Variants in THSD7B observed in about 807,000 individuals in gnomAD.
THSD7B encodes thrombospondin type 1 domain containing 7B, also known as thrombospondin type-1 domain-containing protein 7B.
Under a neutral mutation model 213.6 loss-of-function variants are expected in THSD7B, and 138 were observed. The ratio of observed to expected loss-of-function variants is 0.65; its 90% CI spans 0.56 to 0.74. THSD7B has a LOEUF of 0.74. Among genes scored for constraint, THSD7B ranks in the 30% least tolerant of loss-of-function variants. THSD7B has a pLI of 0.00. For missense variants in THSD7B, 1,931 were observed against 1,991.5 expected (o/e 0.97, Z 0.58); for synonymous variants, 742 against 687.0 (o/e 1.08, Z -1.25).
intron 10 of THSD7B, among the ~76,000 whole-genome samples, chr2:137,259,405 G>A (rs112118352): frequency 0.027 from 4,114 of 152,260 alleles, 109 homozygotes; most frequent in Middle Eastern, 0.095. Flanking sequence ...ACATCTCATT[G>A]TGGTTTTGAT....
intron 17 of THSD7B, among the ~76,000 whole-genome samples, chr2:137,584,975 T>G (rs1681685621): frequency 6.6e-6 from 1 of 152,176 alleles, no homozygotes. Context: ...CTGGACTTTT[T>G]TTTTATTTGG....
intron 21 of THSD7B, among the ~76,000 whole-genome samples, chr2:137,654,759 G>A (rs989766635): frequency 2.6e-5 from 4 of 152,116 alleles, no homozygotes; most frequent in African/African-American, 9.7e-5. Context: ...TTGGTTTTCT[G>A]TGGGGGGCTG....
rs192413809 is a variant in THSD7B, at chr2:136,953,669, C to G, written c.139+71352C>G. On this transcript the variant is annotated intron_variant, in intron 2 of 27. Coordinates refer to ENST00000409968, the MANE Select transcript of THSD7B (RefSeq NM_001316349.2). ...CCACTCCACCATCTTCATGCATTAA[C>G]GGAATCTTATCTCCCTCATAAAATA... Among the ~76,000 whole-genome samples, 252 of 152,254 alleles carry G rather than the reference C, an allele frequency of 1.7e-3. 1 individual carries two copies. Among genetic ancestry groups the G allele is most frequent in the Admixed American group, 0.014 (221 of 15,290 alleles).
chr2:137,245,711 T>C (rs1682015663), intron 10 of THSD7B, among the ~76,000 whole-genome samples: 1 of 152,196 alleles, frequency 6.6e-6, no homozygotes, highest in Non-Finnish European at 1.5e-5. Context: ...ATGGGGCATA[T>C]AGTTGCTACT....
intron 12 of THSD7B, among the ~76,000 whole-genome samples, chr2:137,358,287 T>C (rs918045479): frequency 6.6e-6 from 1 of 152,210 alleles, no homozygotes; most frequent in African/African-American, 2.4e-5. Flanking sequence ...CTAATGAGAA[T>C]CTTATTTCCT....
chr2:137,528,613 C>A (rs899013437), intron 15 of THSD7B, among the ~76,000 whole-genome samples: 1 of 152,040 alleles, frequency 6.6e-6, no homozygotes, highest in African/African-American at 2.4e-5. Context: ...CTTGCCTGAT[C>A]TAGTGCCAAA....
rs1464743940 is a variant in THSD7B, at chr2:137,057,211, G to A, written c.931G>A (p.Gly311Arg). 3.1e-6 allele frequency: 5 copies of A among 1,611,942 alleles called. No individual in the cohort carries two copies. The highest frequency in any genetic ancestry group is 2.2e-5 in the East Asian group (1 of 44,846). Reference sequence around the variant, plus strand: ...GCAGGTTTCGTGTACAAGAAGTGATGGACAAAATGCTATGTTAAGGTAGGA... The same window carrying A: ...GCAGGTTTCGTGTACAAGAAGTGATAGACAAAATGCTATGTTAAGGTAGGA... ...TRQVSCTRSD[G>R]QNAMLSLCLQ... The change falls in exon 3 of 28, where the codon GGA becomes AGA. Residue 311 changes from glycine (G) to arginine (R), a missense_variant. Gly to Arg is a moderately radical substitution (Grantham distance 125). Transcript: ENST00000409968.
At chr2:137,206,281 G>A (rs1242651648) in intron 7 of THSD7B, among the ~76,000 whole-genome samples, 6 of 151,950 alleles carry the variant, frequency 3.9e-5, no homozygotes, top group Admixed American at 3.9e-4. Context: ...GAGGTGAAAT[G>A]ACTTGCCTAA....
intron 15 of THSD7B, among the ~76,000 whole-genome samples, chr2:137,488,045 G>C (rs1299994838): frequency 8.2e-5 from 1 of 12,240 alleles, no homozygotes; most frequent in African/African-American, 1.6e-4. Flanking sequence ...TTACAGGCGT[G>C]AGCCACCGCG....
chr2:137,419,609 G>GGC (rs1686879571), intron 14 of THSD7B, among the ~76,000 whole-genome samples: 1 of 151,594 alleles, frequency 6.6e-6, no homozygotes, highest in Admixed American at 6.6e-5. Flanking sequence ...CTAAAACAAA[G>GGC]GCACCACTCA....
At chr2:137,094,437 G>T (rs1207623034) in intron 3 of THSD7B, among the ~76,000 whole-genome samples, 1 of 152,134 alleles carries the variant, frequency 6.6e-6, no homozygotes, top group Admixed American at 6.5e-5. Flanking sequence ...TGGGCATGGT[G>T]GTGTGTTTCT....
chr2:137,229,588 GCTGA>G (rs1681592822), intron 7 of THSD7B, among the ~76,000 whole-genome samples: 1 of 152,140 alleles, frequency 6.6e-6, no homozygotes, highest in Admixed American at 6.5e-5. Context: ...AGGCAGTCTT[GCTGA>G]CTGTCAGCTT....
At chr2:137,461,851 C>G (rs189385115) in intron 15 of THSD7B, among the ~76,000 whole-genome samples, 1 of 152,096 alleles carries the variant, frequency 6.6e-6, no homozygotes, top group African/African-American at 2.4e-5. Flanking sequence ...TCCTCATCAG[C>G]CCTCATCCAG....
intron 17 of THSD7B, among the ~76,000 whole-genome samples, chr2:137,591,674 C>T (rs1385780983): frequency 6.6e-6 from 1 of 151,920 alleles, no homozygotes; most frequent in African/African-American, 2.4e-5. Flanking sequence ...TGTAGAACGA[C>T]AGCAGTCTAT....
intron 2 of THSD7B, among the ~76,000 whole-genome samples, chr2:136,987,490 T>C (rs1306182633): frequency 1.3e-5 from 2 of 152,058 alleles, no homozygotes; most frequent in African/African-American, 4.8e-5. Flanking sequence ...TGAGAAATAA[T>C]GGGCATGTTT....
chr2:137,113,118 T>C (rs1489663640), intron 4 of THSD7B, among the ~76,000 whole-genome samples: 2 of 152,176 alleles, frequency 1.3e-5, no homozygotes, highest in Non-Finnish European at 2.9e-5. Flanking sequence ...CAGAAAGTTC[T>C]TCTTTTGGGG....
chr2:136,998,474 G>C (rs1397501533), intron 2 of THSD7B, among the ~76,000 whole-genome samples: 2 of 152,106 alleles, frequency 1.3e-5, no homozygotes, highest in Admixed American at 6.5e-5. Flanking sequence ...TCATCTGTGG[G>C]AGGAAGGGGT....
chr2:137,258,236 T>C, intron 10 of THSD7B, among the ~76,000 whole-genome samples: 1 of 152,344 alleles, frequency 6.6e-6, no homozygotes. Context: ...AAATACTTTT[T>C]TTATCCTAAA....
intron 2 of THSD7B, among the ~76,000 whole-genome samples, chr2:137,020,507 C>G (rs13406300): frequency 6.6e-6 from 1 of 152,106 alleles, no homozygotes; most frequent in Non-Finnish European, 1.5e-5. Flanking sequence ...AGTGGGAACA[C>G]GCATGTACAT....
Sources: allele counts gnomAD v4.1 joint callset (sites outside exome capture counted in the v4.1 genomes callset), GRCh38; gene constraint gnomAD v4.1.1; transcripts MANE v1.5; gene names NCBI Gene and HGNC (gene_info 2026-07-23, HGNC 2026-07-21).